TBC1D31: variants seen among roughly 807,000 people sequenced by gnomAD.
TBC1D31 encodes the protein TBC1 domain family member 31.
Under a neutral mutation model 132.9 loss-of-function variants are expected in TBC1D31, and 99 were observed. The observed-to-expected ratio is 0.74, with a 90% CI of 0.63 to 0.88. The LOEUF (loss-of-function observed/expected upper bound fraction) is 0.88, where lower values mean the gene tolerates loss of function less well. Among genes scored for constraint, TBC1D31 ranks in the 40% least tolerant of loss-of-function variants. The pLI is 0.00. For missense variants in TBC1D31, 1,134 were observed against 1,256.6 expected (o/e 0.90, Z 1.48); for synonymous variants, 385 against 419.4 (o/e 0.92, Z 1.00).
chr8:123,085,717 CATA>C (rs1453516191), intron 4 of TBC1D31, among the ~76,000 whole-genome samples: 1 of 152,180 alleles, frequency 6.6e-6, no homozygotes. Context: ...CCCCACTCAG[CATA>C]ATGTTTTTGA....
chr8:123,163,122 G>T, the TBC1D31 span, among the ~76,000 whole-genome samples: 1 of 151,912 alleles, frequency 6.6e-6, no homozygotes, highest in East Asian at 1.9e-4. Context: ...ACTGCGCCCG[G>T]CCCATTGGGT....
chr8:123,126,632 A>G lies in TBC1D31; in HGVS notation c.1829A>G (p.Tyr610Cys). ...PSFLLMTVVA[Y>C]NICSRTPLLS... Reference sequence around the variant, plus strand: ...TTCCTTCTGATGACTGTTGTAGCCTACAACATATGTTCTAGAACGCCTCTG... The same window carrying G: ...TTCCTTCTGATGACTGTTGTAGCCTGCAACATATGTTCTAGAACGCCTCTG... The change falls in exon 13 of 22, where the codon TAC becomes TGC. Residue 610 changes from tyrosine (Y) to cysteine (C), a missense_variant. By Grantham distance (194) the Tyr-to-Cys change is radical. Transcript: ENST00000287380. 2 of 1,614,106 alleles carry G rather than the reference A, an allele frequency of 1.2e-6. No individual in the cohort carries two copies. Among genetic ancestry groups the G allele is most frequent in the East Asian group, 2.2e-5 (1 of 44,870 alleles).
chr8:123,130,355 T>C (rs1319282531), intron 16 of TBC1D31, 22 bp downstream of exon 16: 1 of 1,594,900 alleles, frequency 6.3e-7, no homozygotes, highest in Non-Finnish European at 8.5e-7. Flanking sequence ...TTAACTTAGT[T>C]CTCATACATC....
chr8:123,082,481 C>T, intron 2 of TBC1D31: 1 of 473,298 alleles, frequency 2.1e-6, no homozygotes, highest in Non-Finnish European at 3.7e-6. Context: ...AAACACATAC[C>T]TGATTGTGAT....
At chr8:123,162,878 G>C in the TBC1D31 span, among the ~76,000 whole-genome samples, 7 of 151,992 alleles carry the variant, frequency 4.6e-5, no homozygotes, top group Non-Finnish European at 1.0e-4. Flanking sequence ...TGTTGCCCAG[G>C]TTGGAGTGCA....
intron 4 of TBC1D31, among the ~76,000 whole-genome samples, chr8:123,085,364 A>G (rs1815621976): frequency 6.6e-6 from 1 of 152,164 alleles, no homozygotes; most frequent in African/African-American, 2.4e-5. Context: ...AGTGTTGCCT[A>G]TTCTAAAATT....
rs1224582242 is a variant in TBC1D31 at position 123,093,609 on chromosome 8, A to G, written c.538A>G (p.Ser180Gly). The G allele has an allele frequency of 2.5e-6, 4 of 1,606,576 alleles. No homozygotes were observed. Among genetic ancestry groups the G allele is most frequent in the Non-Finnish European group, 3.4e-6 (4 of 1,175,180 alleles). ...TCCTTAGGTTTTCTTTCTACCATTA[A>G]GTAATACCATCCTCAGCTGTTTTAA... ...GIQKVFFLPL[S>G]NTILSCFKDN... Residue 180 changes from serine (S) to glycine (G), a missense_variant, in exon 5 of 22, where the codon AGT (serine) becomes GGT (glycine). Coordinates refer to ENST00000287380, the MANE Select transcript of TBC1D31 (RefSeq NM_145647.4).
intron 8 of TBC1D31, 108 bp downstream of exon 8, chr8:123,105,572 T>TA (rs1817846493): frequency 6.1e-6 from 6 of 990,370 alleles, no homozygotes; most frequent in Non-Finnish European, 8.5e-6. Context: ...AGAAAGAGAA[T>TA]AAAATGAAGA....
chr8:123,127,054 ATTGAAAAATCCATTTAT>A (rs1231839293), intron 13 of TBC1D31, among the ~76,000 whole-genome samples: 1 of 151,940 alleles, frequency 6.6e-6, no homozygotes, highest in African/African-American at 2.4e-5. Context: ...AGTTATTTCA[ATTGAAAAATCCATTTAT>A]TTATTGAGTC....
At chr8:123,155,836 G>T (rs1822972794), downstream of TBC1D31, among the ~76,000 whole-genome samples, 1 of 152,158 alleles carries the variant, frequency 6.6e-6, no homozygotes, top group African/African-American at 2.4e-5. This position sits in a 1 kb window ranked among gnomAD's most constrained non-coding sequence, Gnocchi z 4.1. Flanking sequence ...TACTAAACAT[G>T]GTTTCTGAAT....
chr8:123,074,605 T>C (rs1185016916), intron 1 of TBC1D31, among the ~76,000 whole-genome samples: 1 of 152,358 alleles, frequency 6.6e-6, no homozygotes, highest in East Asian at 1.9e-4. Flanking sequence ...TCTAGATATA[T>C]GTGCAAGATT....
chr8:123,162,882 G>A, the TBC1D31 span, among the ~76,000 whole-genome samples: 1 of 151,938 alleles, frequency 6.6e-6, no homozygotes, highest in Non-Finnish European at 1.5e-5. Context: ...GCCCAGGTTG[G>A]AGTGCAGTGG....
At chr8:123,126,455 T>G (rs1454196485) in intron 12 of TBC1D31, 53 bp from the exon 13 acceptor site, 8 of 1,507,274 alleles carry the variant, frequency 5.3e-6, no homozygotes, top group Non-Finnish European at 6.4e-6. Context: ...TACCAATGAC[T>G]CCCTTTTTAC....
chr8:123,132,927 A>C (rs1820764592), intron 16 of TBC1D31, among the ~76,000 whole-genome samples: 1 of 152,136 alleles, frequency 6.6e-6, no homozygotes, highest in African/African-American at 2.4e-5. Context: ...TCTTTATTCC[A>C]AACCCCTTTG....
intron 6 of TBC1D31, among the ~76,000 whole-genome samples, chr8:123,100,139 G>T (rs1817239211): frequency 6.6e-6 from 1 of 152,216 alleles, no homozygotes; most frequent in South Asian, 2.1e-4. Context: ...CCCTGTATAT[G>T]TCATCAGTGG....
intron 4 of TBC1D31, among the ~76,000 whole-genome samples, chr8:123,088,161 T>TC (rs1241152841): frequency 6.6e-6 from 1 of 150,690 alleles, no homozygotes; most frequent in East Asian, 1.9e-4. Flanking sequence ...TGCACTCCAG[T>TC]GTGGGCAACA....
chr8:123,097,577 G>A, intron 6 of TBC1D31, 136 bp downstream of exon 6: 2 of 1,102,152 alleles, frequency 1.8e-6, no homozygotes, highest in East Asian at 2.6e-5. Flanking sequence ...TTATTTTTGT[G>A]AAGAGTCTAG....
At chr8:123,108,788 G>A (rs1818180169) in intron 8 of TBC1D31, among the ~76,000 whole-genome samples, 1 of 152,190 alleles carries the variant, frequency 6.6e-6, no homozygotes, top group East Asian at 1.9e-4. Flanking sequence ...CCACATGGCT[G>A]TGGAGGCCTC....
intron 7 of TBC1D31, among the ~76,000 whole-genome samples, chr8:123,104,777 T>C (rs1451367232): frequency 1.3e-5 from 2 of 152,190 alleles, no homozygotes; most frequent in African/African-American, 4.8e-5. Context: ...AAGGAACTAA[T>C]AGTGATCACT....
Sources: allele counts gnomAD v4.1 joint callset (sites outside exome capture counted in the v4.1 genomes callset), GRCh38; gene constraint gnomAD v4.1.1; non-coding constraint Gnocchi (gnomAD v3.1); transcripts MANE v1.5; gene names NCBI Gene and HGNC (gene_info 2026-07-23, HGNC 2026-07-21).